The following SHISA9 variants were observed in gnomAD, a reference collection of about 807,000 sequenced individuals.
SHISA9 encodes the protein protein shisa-9.
A neutral mutation model predicts 38.0 loss-of-function variants in SHISA9; 13 were observed. That is an observed-to-expected ratio of 0.34 (90% CI 0.22 to 0.54). The LOEUF (loss-of-function observed/expected upper bound fraction) is 0.54. Among genes scored for constraint, SHISA9 ranks in the 20% least tolerant of loss-of-function variants. The pLI, the probability that SHISA9 is intolerant of heterozygous loss-of-function variation, is 0.91. For missense variants in SHISA9, 538 were observed against 575.8 expected, an observed-to-expected ratio of 0.93 and a Z score of 0.67; for synonymous variants, 275 against 242.0, an observed-to-expected ratio of 1.14 and a Z score of -1.27.
chr16:13,066,457 C>T (rs565485158), intron 2 of SHISA9, among the ~76,000 whole-genome samples: 24 of 151,892 alleles, frequency 1.6e-4, no homozygotes, highest in African/African-American at 5.6e-4. Context: ...TCATAAAAAC[C>T]ATCTTTTTGT....
chr16:13,426,934 G>A, the SHISA9 span, among the ~76,000 whole-genome samples: 3 of 152,208 alleles, frequency 2.0e-5, no homozygotes, highest in Non-Finnish European at 4.4e-5. Flanking sequence ...CTATGCTGCA[G>A]TAACAGGCAA....
chr16:13,549,950 G>C, the SHISA9 span, among the ~76,000 whole-genome samples: 13 of 151,570 alleles, frequency 8.6e-5, no homozygotes, highest in Non-Finnish European at 7.4e-5. Flanking sequence ...TTGAACCCAG[G>C]AGGCAGAGGT....
chr16:13,288,202 A>T, the SHISA9 span, among the ~76,000 whole-genome samples: 1 of 152,146 alleles, frequency 6.6e-6, no homozygotes, highest in Admixed American at 6.6e-5. Context: ...GAGATAAGAG[A>T]AAAATGGGAC....
At chr16:12,921,014 A>G (rs373809724) in intron 2 of SHISA9, among the ~76,000 whole-genome samples, 1 of 152,226 alleles carries the variant, frequency 6.6e-6, no homozygotes, top group Non-Finnish European at 1.5e-5. Context: ...CCTAGTGTCT[A>G]TAAAAACAAC....
chr16:13,116,448 G>A (rs1250828606), intron 2 of SHISA9, among the ~76,000 whole-genome samples: 1 of 152,176 alleles, frequency 6.6e-6, no homozygotes, highest in Admixed American at 6.5e-5. Context: ...TCTCTGGAAG[G>A]AGCTGAAATT....
At chr16:13,491,723 C>G in the SHISA9 span, among the ~76,000 whole-genome samples, 1 of 147,262 alleles carries the variant, frequency 6.8e-6, no homozygotes, top group Admixed American at 6.9e-5. Flanking sequence ...CTCCTGATCT[C>G]AAGAGATCCA....
chr16:13,036,476 G>T (rs892701417), intron 2 of SHISA9, among the ~76,000 whole-genome samples: 1 of 152,052 alleles, frequency 6.6e-6, no homozygotes. Flanking sequence ...AGAGGTTGGG[G>T]GGTTATTAAG....
the SHISA9 span, among the ~76,000 whole-genome samples, chr16:13,268,317 C>G: frequency 6.6e-6 from 1 of 152,174 alleles, no homozygotes; most frequent in Non-Finnish European, 1.5e-5. Context: ...TGACACCAGC[C>G]TGACCAACAT....
At chr16:13,040,241 C>G (rs1030583600) in intron 2 of SHISA9, among the ~76,000 whole-genome samples, 1 of 152,178 alleles carries the variant, frequency 6.6e-6, no homozygotes, top group Non-Finnish European at 1.5e-5. Flanking sequence ...GCTTCTTGCT[C>G]CTGCTCTTCT....
chr16:13,500,425 C>G, the SHISA9 span, among the ~76,000 whole-genome samples: 1 of 152,136 alleles, frequency 6.6e-6, no homozygotes, highest in Non-Finnish European at 1.5e-5. Flanking sequence ...GGAATGTACA[C>G]AGCCCCATGG....
chr16:13,454,316 A>C, the SHISA9 span, among the ~76,000 whole-genome samples: 1 of 152,340 alleles, frequency 6.6e-6, no homozygotes, highest in East Asian at 1.9e-4. Context: ...CAGAAGGAAG[A>C]AGAGCTAAAA....
At chr16:13,066,766 C>T (rs2073439778) in intron 2 of SHISA9, among the ~76,000 whole-genome samples, 1 of 152,152 alleles carries the variant, frequency 6.6e-6, no homozygotes, top group African/African-American at 2.4e-5. Context: ...TCCTGTGAAC[C>T]AAGATCAGGG....
intron 2 of SHISA9, among the ~76,000 whole-genome samples, chr16:13,130,359 T>C (rs1596669091): frequency 6.6e-6 from 1 of 152,306 alleles, no homozygotes; most frequent in East Asian, 1.9e-4. Flanking sequence ...ACAGTAATAA[T>C]TGGTGGGACT....
chr16:12,921,097 G>A (rs764033496), intron 2 of SHISA9, among the ~76,000 whole-genome samples: 45 of 152,192 alleles, frequency 3.0e-4, no homozygotes, highest in Non-Finnish European at 5.4e-4. Flanking sequence ...TCTTGTATAT[G>A]TTCATAGGAC....
At chr16:13,212,843 C>T (rs780459204) in intron 3 of SHISA9, among the ~76,000 whole-genome samples, 7 of 152,130 alleles carry the variant, frequency 4.6e-5, no homozygotes, top group Non-Finnish European at 7.3e-5. Flanking sequence ...CAGTGGAACA[C>T]GATCAAAGTC....
chr16:13,510,232 C>T, the SHISA9 span, among the ~76,000 whole-genome samples: 5 of 152,050 alleles, frequency 3.3e-5, no homozygotes, highest in East Asian at 1.9e-4. Flanking sequence ...CACTTGAATC[C>T]GGGAGGTAGA....
the SHISA9 span, among the ~76,000 whole-genome samples, chr16:13,302,978 C>T: frequency 1.3e-5 from 2 of 152,178 alleles, no homozygotes; most frequent in Admixed American, 1.3e-4. Flanking sequence ...GAGGCCTCCC[C>T]AGCCATGCGA....
the SHISA9 span, among the ~76,000 whole-genome samples, chr16:13,455,752 C>A: frequency 6.6e-6 from 1 of 152,146 alleles, no homozygotes; most frequent in Admixed American, 6.5e-5. Flanking sequence ...TTTAGTGGAT[C>A]TAAAAGGGCA....
chr16:13,180,337 CA>C (rs1364053581), intron 2 of SHISA9, among the ~76,000 whole-genome samples: 1 of 152,178 alleles, frequency 6.6e-6, no homozygotes, highest in Non-Finnish European at 1.5e-5. Flanking sequence ...AAGTTTGGAC[CA>C]GGGGTGCAGG....
Sources: allele counts gnomAD v4.1 joint callset (sites outside exome capture counted in the v4.1 genomes callset), GRCh38; gene constraint gnomAD v4.1.1; transcripts MANE v1.5; gene names NCBI Gene and HGNC (gene_info 2026-07-23, HGNC 2026-07-21).